ZMYM2: variants seen among roughly 807,000 people sequenced by gnomAD.
ZMYM2 encodes zinc finger MYM-type containing 2.
Under a neutral mutation model 162.8 loss-of-function variants are expected in ZMYM2, and 56 were observed. The observed-to-expected ratio is 0.34, with a 90% confidence interval of 0.28 to 0.43. The LOEUF (loss-of-function observed/expected upper bound fraction) is 0.43. Among genes scored for constraint, ZMYM2 ranks in the 20% least tolerant of loss-of-function variants. The probability of loss-of-function intolerance (pLI) is 1.00; values close to 1 mark genes in which losing one functional copy is unlikely to be tolerated. For missense variants in ZMYM2, 1,275 were observed against 1,621.8 expected (o/e 0.79, Z 3.67); for synonymous variants, 510 against 541.6 (o/e 0.94, Z 0.81).
rs192975791 is a variant in ZMYM2, at chr13:20,028,691, G to A, written c.1851+1373G>A. Among the ~76,000 whole-genome samples the A allele has an allele frequency of 6.2e-4, 95 of 152,076 alleles. No individual in the cohort carries two copies. The East Asian group carries it at 0.017, about 28-fold the overall frequency. ...TCCTGTGTACTTTAAATCACATCTAGATTACCCTTAATATCTAATGCCATG... is the reference window on the plus strand; with the variant it reads ...TCCTGTGTACTTTAAATCACATCTAAATTACCCTTAATATCTAATGCCATG... On this transcript the variant is annotated intron_variant, in intron 9 of 24. Coordinates refer to ENST00000610343, the MANE Select transcript of ZMYM2 (RefSeq NM_197968.4).
At chr13:19,905,427 C>T in the ZMYM2 span, among the ~76,000 whole-genome samples, 7 of 152,180 alleles carry the variant, frequency 4.6e-5, no homozygotes, top group Non-Finnish European at 8.8e-5. Flanking sequence ...GAAGAACTCA[C>T]CTGGAAGTGT....
chr13:20,087,862 TAC>T lies in ZMYM2; in HGVS notation c.*1849_*1850del, dbSNP rs1435945135. On this transcript the variant is annotated 3_prime_UTR_variant, in exon 25 of 25. Coordinates refer to ENST00000610343, the MANE Select transcript of ZMYM2 (RefSeq NM_197968.4). ...TATAATACAAAAATTTTCTCTAACT[TAC>T]CTTTTTCCAGAACTACTTCTTTAAG... The T allele has an allele frequency of 5.3e-6, 1 of 187,288 alleles. No homozygotes were observed. The highest frequency in any genetic ancestry group is 2.3e-5 in the African/African-American group (1 of 42,774). 11.6% of individuals were successfully genotyped at this position (187,288 alleles called of 1,614,324 possible).
In ZMYM2 at chr13:20,082,796, G is replaced by T; in HGVS notation, c.3584G>T (p.Arg1195Leu). The T allele has an allele frequency of 1.2e-6, 2 of 1,605,586 alleles. No individual in the cohort carries two copies. Among genetic ancestry groups the T allele is most frequent in the Non-Finnish European group, 8.5e-7 (1 of 1,174,730 alleles). ...TCTATTTAAGGGTCAATATTCTCTC[G>T]AGTTGAAGAAGACTATCTCTGGAGG... ...SILPDGSIFS[R>L]VEEDYLWRIK... The change falls in exon 23 of 25, where the codon CGA becomes CTA. Residue 1195 changes from arginine to leucine, a missense_variant. Arg to Leu is a moderately radical substitution (Grantham distance 102). Around this residue, in one of 10 missense-constraint regions of ZMYM2, gnomAD observed 103 missense variants for 192.2 expected, o/e 0.54. Transcript: ENST00000610343.
At chr13:19,875,461 C>G in the ZMYM2 span, among the ~76,000 whole-genome samples, 1 of 151,714 alleles carries the variant, frequency 6.6e-6, no homozygotes, top group South Asian at 2.1e-4. Flanking sequence ...AACCCTGTGT[C>G]TACTAAAAAT....
chr13:20,058,010 G>A (rs1280520585), intron 14 of ZMYM2, among the ~76,000 whole-genome samples: 1 of 152,200 alleles, frequency 6.6e-6, no homozygotes, highest in Non-Finnish European at 1.5e-5. Context: ...TGAACTTAGT[G>A]TGAAATATCT....
At chr13:20,005,518 A>G (rs998272850) in intron 5 of ZMYM2, among the ~76,000 whole-genome samples, 11 of 152,148 alleles carry the variant, frequency 7.2e-5, no homozygotes, top group Non-Finnish European at 7.4e-5. Flanking sequence ...AGACAAAACC[A>G]TAGTGTTGAG....
At chr13:20,038,187 A>G (rs1184999912) in intron 12 of ZMYM2, among the ~76,000 whole-genome samples, 1 of 152,050 alleles carries the variant, frequency 6.6e-6, no homozygotes, top group Non-Finnish European at 1.5e-5. Context: ...TATCCACTCT[A>G]CTATTGGTAG....
At position 20,041,591 on chromosome 13, in the gene ZMYM2, T is replaced by C. The variant is rs1297534660; in HGVS notation, c.2292+4682T>C. Among the ~76,000 whole-genome samples the C allele has an allele frequency of 4.6e-5, 7 of 152,340 alleles. No homozygotes were observed. The East Asian group carries it at 7.7e-4, about 17-fold the overall frequency. On this transcript the variant is annotated intron_variant, in intron 12 of 24. Transcript: ENST00000610343. The stretch of plus-strand genomic sequence containing the variant: ...ATGTGTGGGTTTGATCCTGTCATCA[T>C]GATGTTAGCTGGTTATTTTGCAGAC...
chr13:19,895,229 T>A, the ZMYM2 span, among the ~76,000 whole-genome samples: 2 of 151,766 alleles, frequency 1.3e-5, no homozygotes, highest in East Asian at 3.8e-4. Flanking sequence ...ATGCAGCAGC[T>A]ATGGAAAACA....
At chr13:19,978,120 T>C (rs1469512692) in intron 2 of ZMYM2, among the ~76,000 whole-genome samples, 1 of 151,634 alleles carries the variant, frequency 6.6e-6, no homozygotes, top group South Asian at 2.1e-4. Flanking sequence ...CTAGTGATCC[T>C]CCCACCTTGG....
chr13:20,002,875 A>G lies in ZMYM2; in HGVS notation c.873A>G (p.Ser291=). 6.2e-7 allele frequency: 1 copy of G among 1,613,748 alleles called. No homozygotes were observed. The highest frequency in any genetic ancestry group is 8.5e-7 in the Non-Finnish European group (1 of 1,179,736). Residue 291 remains serine (S), a synonymous_variant, in exon 4 of 25, where the codon TCA becomes TCG. Transcript: ENST00000610343. The part of the protein sequence containing the change: ...NPDSWISQSA[S]FPRNQKQPGV... ...ATTCTTGGATCTCCCAGTCAGCTTC[A>G]TTTCCCCGTAATCAGAAACAACCAG...
At chr13:19,875,964 G>A in the ZMYM2 span, among the ~76,000 whole-genome samples, 1 of 151,812 alleles carries the variant, frequency 6.6e-6, no homozygotes, top group Non-Finnish European at 1.5e-5. Context: ...ACCTAAACAT[G>A]TACCCACTGA....
intron 2 of ZMYM2, among the ~76,000 whole-genome samples, chr13:19,990,410 C>A (rs116838061): frequency 6.3e-4 from 96 of 152,272 alleles, no homozygotes; most frequent in African/African-American, 2.1e-3. Context: ...TCCCTCTAGG[C>A]TTTGCAGAAG....
intron 6 of ZMYM2, among the ~76,000 whole-genome samples, chr13:20,008,220 C>G (rs1028982929): frequency 6.6e-6 from 1 of 152,138 alleles, no homozygotes; most frequent in African/African-American, 2.4e-5. Flanking sequence ...GTCTACTTTT[C>G]CTGGGTTCAA....
intron 7 of ZMYM2, chr13:20,024,475 G>A: frequency 9.2e-6 from 2 of 218,258 alleles, no homozygotes; most frequent in Non-Finnish European, 1.8e-5. Context: ...TTCTTTGTAG[G>A]TGCTGATACA....
intron 21 of ZMYM2, among the ~76,000 whole-genome samples, chr13:20,076,697 T>C (rs1344374804): frequency 6.6e-6 from 1 of 150,592 alleles, no homozygotes; most frequent in Admixed American, 6.6e-5. Flanking sequence ...TTAAAAAATA[T>C]AGTAAACTCA....
chr13:20,071,349 C>G (rs1380675867), intron 21 of ZMYM2, among the ~76,000 whole-genome samples: 1 of 152,140 alleles, frequency 6.6e-6, no homozygotes, highest in Admixed American at 6.5e-5. Flanking sequence ...GGACAAAATG[C>G]GTAAACAACA....
At chr13:20,066,088 C>T (rs1361992649) in intron 19 of ZMYM2, among the ~76,000 whole-genome samples, 1 of 152,132 alleles carries the variant, frequency 6.6e-6, no homozygotes, top group African/African-American at 2.4e-5. Context: ...ATCACATTTC[C>T]TGGAATATTA....
Position 20,019,103 on chromosome 13 carries a change from CAACA to C in ZMYM2, c.1513-441_1513-438del, listed in dbSNP as rs199882187. 3.1e-3 allele frequency among the ~76,000 whole-genome samples: 419 copies of C among 135,320 alleles called. 105 individuals are homozygous for C. The highest frequency in any genetic ancestry group is 0.013 in the East Asian group (61 of 4,696). 88.8% of individuals were successfully genotyped at this position (135,320 alleles called of 152,430 possible). A position where few individuals can be genotyped will look rare whatever the true frequency, so the allele number is the denominator to read the frequency against. On this transcript the variant is annotated intron_variant, in intron 6 of 24. Coordinates refer to ENST00000610343, the MANE Select transcript of ZMYM2 (RefSeq NM_197968.4). ...CTCAAAAAAAAAAAAACAACAACAA[CAACA>C]AAAAAAAACAATTTCTCAATCCATT...
Sources: gnomAD v4.1 joint callset for allele counts (sites outside exome capture counted in the v4.1 genomes callset) on GRCh38, gnomAD v4.1.1 for gene constraint, gnomAD v4.1.1 regional missense constraint, MANE v1.5 for transcripts, NCBI Gene and HGNC (gene_info 2026-07-23, HGNC 2026-07-21) for gene names.